The following ACSBG1 variants were observed in gnomAD, a reference collection of about 807,000 sequenced individuals.
ACSBG1 encodes long-chain-fatty-acid--CoA ligase ACSBG1.
A neutral mutation model predicts 80.2 loss-of-function variants in ACSBG1; 39 were observed. The ratio of observed to expected loss-of-function variants is 0.49; its 90% CI spans 0.38 to 0.64. ACSBG1 has a LOEUF of 0.64. Among genes scored for constraint, ACSBG1 ranks in the 30% least tolerant of loss-of-function variants. ACSBG1 has a pLI of 0.00. For synonymous variants in ACSBG1, 392 were observed against 379.5 expected (o/e 1.03, Z -0.38); for missense variants, 828 against 966.4 (o/e 0.86, Z 1.90).
chr15:78,195,977 G>T (rs2075110438), intron 2 of ACSBG1, among the ~76,000 whole-genome samples: 1 of 152,208 alleles, frequency 6.6e-6, no homozygotes, highest in South Asian at 2.1e-4. Flanking sequence ...GTAAAGATCT[G>T]GGGGCTGGGA....
At chr15:78,174,575 A>T in intron 11 of ACSBG1, 51 bp from the exon 12 acceptor site, 1 of 1,578,118 alleles carries the variant, frequency 6.3e-7, no homozygotes, top group Non-Finnish European at 8.6e-7. Flanking sequence ...CAGGTGCCCC[A>T]GCTGAACCAC....
intron 1 of ACSBG1, among the ~76,000 whole-genome samples, chr15:78,215,755 A>AAAGAAAGAAAGG: frequency 1.3e-5 from 2 of 149,620 alleles, no homozygotes; most frequent in Non-Finnish European, 3.0e-5. Flanking sequence ...AGAAAGAAAG[A>AAAGAAAGAAAGG]AAGAAAGAAA....
chr15:78,192,542 A>G (rs1490403178), intron 5 of ACSBG1, among the ~76,000 whole-genome samples: 2 of 152,180 alleles, frequency 1.3e-5, no homozygotes, highest in South Asian at 4.1e-4. Flanking sequence ...ATGCCCTCCA[A>G]GAGGTTCTGC....
Position 78,182,020 on chromosome 15 carries a change from T to C in ACSBG1, c.1020A>G (p.Thr340=). 4 of 1,614,100 alleles carry C rather than the reference T, an allele frequency of 2.5e-6. No homozygotes were observed. Among genetic ancestry groups the C allele is most frequent in the Non-Finnish European group, 3.4e-6 (4 of 1,180,006 alleles). The change falls in exon 8 of 14, where the codon ACA becomes ACG. Residue 340 remains threonine (T), a synonymous_variant. Coordinates refer to ENST00000258873, the MANE Select transcript of ACSBG1 (RefSeq NM_015162.5). ...AAACCTGGGCCCCCCACTGGATGCC[T>C]GTCCACAGGTCGTAGATCTGGGCGG... is the stretch of plus-strand genomic sequence containing the variant. ...HIAAQIYDLW[T]GIQWGAQVCF...
chr15:78,171,751 G>T (rs781207142), intron 13 of ACSBG1: 52 of 449,956 alleles, frequency 1.2e-4, no homozygotes, highest in Non-Finnish European at 2.0e-4. Context: ...GTGGAGTATA[G>T]ATGAAGGGTT....
In ACSBG1 at chr15:78,187,810, G is replaced by A. The variant is rs1050940878; in HGVS notation, c.664-5025C>T. 5.3e-5 allele frequency among the ~76,000 whole-genome samples: 8 copies of A among 152,248 alleles called. No individual in the cohort carries two copies. The East Asian group carries it at 1.3e-3, about 26-fold the overall frequency. On this transcript the variant is annotated intron_variant, in intron 5 of 13. Transcript: ENST00000258873. Reference sequence around the variant, plus strand: ...CACCACTCCTATTCAACATTGTGTTGGAAGTTCTGGCCAGGGCAATTAGGC... The same window carrying A: ...CACCACTCCTATTCAACATTGTGTTAGAAGTTCTGGCCAGGGCAATTAGGC...
intron 11 of ACSBG1, among the ~76,000 whole-genome samples, chr15:78,175,218 T>A (rs1453148960): frequency 2.0e-5 from 3 of 152,394 alleles, no homozygotes; most frequent in South Asian, 4.1e-4. Flanking sequence ...TGTCTGATAG[T>A]ACTGATGGCT....
At chr15:78,216,543 T>C (rs1372283397) in intron 1 of ACSBG1, among the ~76,000 whole-genome samples, 1 of 152,172 alleles carries the variant, frequency 6.6e-6, no homozygotes, top group Non-Finnish European at 1.5e-5. Flanking sequence ...AGAGATCTGC[T>C]AGGGACCTAT....
chr15:78,182,482 A>T lies in ACSBG1; in HGVS notation c.878T>A (p.Met293Lys). 6.2e-7 allele frequency: 1 copy of T among 1,613,980 alleles called. No individual in the cohort carries two copies. Among genetic ancestry groups the T allele is most frequent in the Non-Finnish European group, 8.5e-7 (1 of 1,179,932 alleles). ...CTGTCCTACATTGTCTTGACTCAGC[A>T]TCACGCCCTTGGGGTTCCCAGTGGT... ...SGTTGNPKGV[M>K]LSQDNITWTA... The change falls in exon 7 of 14, where the codon ATG becomes AAG. Residue 293 changes from methionine to lysine, a missense_variant. Physicochemically the swap from Met to Lys is moderately conservative, Grantham distance 95. This residue lies in a region of ACSBG1 where 271 missense variants were observed against 375.9 expected (regional missense o/e 0.72). Coordinates refer to ENST00000258873, the MANE Select transcript of ACSBG1 (RefSeq NM_015162.5).
intron 1 of ACSBG1, among the ~76,000 whole-genome samples, chr15:78,214,488 G>T (rs976984930): frequency 6.6e-6 from 1 of 152,166 alleles, no homozygotes; most frequent in Non-Finnish European, 1.5e-5. Flanking sequence ...TGCCCAGGCT[G>T]GAGTGCAGTG....
rs940896936 is a variant in ACSBG1, at chr15:78,172,189, C to T, written c.2090-660G>A. Among the ~76,000 whole-genome samples the T allele has an allele frequency of 2.0e-5, 3 of 152,248 alleles. No homozygotes were observed. The highest frequency in any genetic ancestry group is 2.9e-5 in the Non-Finnish European group (2 of 68,054). On this transcript the variant is annotated intron_variant, in intron 13 of 13. Coordinates refer to ENST00000258873, the MANE Select transcript of ACSBG1 (RefSeq NM_015162.5). The surrounding 1 kb of genome is among the most constrained non-coding windows in gnomAD (Gnocchi z 4.1). ...TAATCCCGTGAGACCCAAGCCAGAA[C>T]CACTCAGCTAAGCTGTTCCTGGATT... is the stretch of plus-strand genomic sequence containing the variant.
At chr15:78,194,428 G>A in intron 3 of ACSBG1, 78 bp downstream of exon 3, 1 of 1,384,430 alleles carries the variant, frequency 7.2e-7, no homozygotes, top group Non-Finnish European at 1.0e-6. Context: ...TGGGCAGTTG[G>A]AGAGGAGGCC....
At chr15:78,183,024 C>T (rs531040185) in intron 5 of ACSBG1, 1 of 573,752 alleles carries the variant, frequency 1.7e-6, no homozygotes. Flanking sequence ...AGGAAAACCA[C>T]CAAACAAGCT....
chr15:78,184,812 G>A (rs1014857168), intron 5 of ACSBG1, among the ~76,000 whole-genome samples: 8 of 152,154 alleles, frequency 5.3e-5, no homozygotes, highest in East Asian at 1.9e-4. Context: ...CCCAGCTGGC[G>A]CCCAGGGCCC....
At position 78,179,777 on chromosome 15, in the gene ACSBG1, G is replaced by T; in HGVS notation, c.1257C>A (p.Asp419Glu). 6.2e-7 allele frequency: 1 copy of T among 1,611,576 alleles called. No homozygotes were observed. Among genetic ancestry groups the T allele is most frequent in the African/African-American group, 1.3e-5 (1 of 74,870 alleles). ...CCAGTCTGGTTGTGAAGGGCTTCAGGTCGCTGGTGGGAGAGGGAGAATGGT... is the reference window on the plus strand; with the variant it reads ...CCAGTCTGGTTGTGAAGGGCTTCAGTTCGCTGGTGGGAGAGGGAGAATGGT... ...LEQNLTCPGS[D>E]LKPFTTRLAD... The change falls in exon 10 of 14, where the codon GAC becomes GAA. Residue 419 changes from aspartate (D) to glutamate (E), a missense_variant. Physicochemically the swap from Asp to Glu is conservative, Grantham distance 45 (BLOSUM62 2). Around this residue, in one of 3 missense-constraint regions of ACSBG1, gnomAD observed 271 missense variants for 375.9 expected, o/e 0.72. Coordinates refer to ENST00000258873, the MANE Select transcript of ACSBG1 (RefSeq NM_015162.5).
chr15:78,172,311 A>G lies in ACSBG1; in HGVS notation c.2090-782T>C, dbSNP rs796662510. On this transcript the variant is annotated intron_variant, in intron 13 of 13. Coordinates refer to ENST00000258873, the MANE Select transcript of ACSBG1 (RefSeq NM_015162.5). This position sits in a 1 kb window ranked among gnomAD's most constrained non-coding sequence, Gnocchi z 4.1. ...CACAGCAATGTATTAGATAGCTAGT[A>G]CACATCATCTCTGCATTTTTGTGAA... 3.9e-5 allele frequency among the ~76,000 whole-genome samples: 6 copies of G among 152,388 alleles called. No individual in the cohort carries two copies. The highest frequency in any genetic ancestry group is 1.4e-4 in the African/African-American group (6 of 41,592).
intron 5 of ACSBG1, among the ~76,000 whole-genome samples, chr15:78,187,339 C>T (rs1436772446): frequency 6.6e-6 from 1 of 152,152 alleles, no homozygotes. Context: ...CCAGCATCAT[C>T]CTGATACCAA....
rs528772261 is a variant in ACSBG1, at chr15:78,211,663, G to C, written c.132-3561C>G. On this transcript the variant is annotated intron_variant, in intron 1 of 13. Transcript: ENST00000258873. Reference sequence around the variant, plus strand: ...TGAGCAAATATGATGTAAGATGTGTGGGGGGCAGAGGAGCCTGGGAGCGTC... The same window carrying C: ...TGAGCAAATATGATGTAAGATGTGTCGGGGGCAGAGGAGCCTGGGAGCGTC... Among the ~76,000 whole-genome samples the C allele has an allele frequency of 5.3e-5, 8 of 152,284 alleles. No individual in the cohort carries two copies. The East Asian group carries it at 1.3e-3, about 26-fold the overall frequency.
In ACSBG1 at chr15:78,225,195, T is replaced by G. The variant is rs538036424; in HGVS notation, c.131+9176A>C. Among the ~76,000 whole-genome samples, 4 of 151,780 alleles carry G rather than the reference T, an allele frequency of 2.6e-5. No individual in the cohort carries two copies. In the South Asian group the frequency reaches 8.3e-4, roughly 32 times the overall value. On this transcript the variant is annotated intron_variant, in intron 1 of 13. Transcript: ENST00000258873. ...CAGGTGGATCACCTGAGGTCAGGAG[T>G]TTGAGACCAACCTGGCCAACATGGT...
Sources: allele counts gnomAD v4.1 joint callset (sites outside exome capture counted in the v4.1 genomes callset), GRCh38; gene constraint gnomAD v4.1.1; regional missense constraint gnomAD v4.1.1; non-coding constraint Gnocchi (gnomAD v3.1); transcripts MANE v1.5; gene names NCBI Gene and HGNC (gene_info 2026-07-23, HGNC 2026-07-21).